The following ABITRAM variants were observed in gnomAD, a reference collection of about 807,000 sequenced individuals.
The protein encoded by ABITRAM is protein Abitram.
In ABITRAM, 19 loss-of-function variants were observed where a neutral mutation model predicts 22.9. The observed-to-expected ratio is 0.83, with a 90% CI of 0.58 to 1.22. ABITRAM has a LOEUF of 1.22. ABITRAM is among the 50% of genes most tolerant of loss of function. ABITRAM has a pLI of 0.00. For synonymous variants in ABITRAM, 70 were observed against 73.9 expected, an observed-to-expected ratio of 0.95 and a Z score of 0.27; for missense variants, 215 against 220.2, an observed-to-expected ratio of 0.98 and a Z score of 0.15.
intron 1 of ABITRAM, among the ~76,000 whole-genome samples, chr9:108,935,220 C>CGGTT (rs978056904): frequency 1.3e-5 from 2 of 152,054 alleles, no homozygotes; most frequent in African/African-American, 4.8e-5. Flanking sequence ...ATAGGGTGAC[C>CGGTT]AACCTGTCCT....
chr9:108,949,030 A>C (rs838828), intron 3 of ABITRAM, among the ~76,000 whole-genome samples: 17,178 of 152,242 alleles, frequency 0.11, 1,141 homozygotes, highest in South Asian at 0.31. Context: ...AAAAACTATA[A>C]GGCACTAGAA....
chr9:108,935,901 A>G (rs1830177800), intron 2 of ABITRAM: 3 of 562,628 alleles, frequency 5.3e-6, no homozygotes. Context: ...AAATTTGATT[A>G]CTCAAACATC....
downstream of ABITRAM, chr9:108,942,694 G>A: frequency 9.9e-7 from 1 of 1,009,802 alleles, no homozygotes; most frequent in Non-Finnish European, 1.5e-6. Context: ...TTTCTGAAAA[G>A]ATAAAGGATC....
Position 108,934,469 on chromosome 9 carries a change from G to T in ABITRAM, c.-18G>T, listed in dbSNP as rs1313929220. ...GCTGGGGTCCCGGAGGGCGGGGGTG[G>T]CGGCGCCGGAGGTCGCCATGGCTAC... On this transcript the variant is annotated 5_prime_UTR_variant, in exon 1 of 6. Transcript: ENST00000322940. 1 of 1,588,860 alleles carries T rather than the reference G, an allele frequency of 6.3e-7. No individual in the cohort carries two copies. Among genetic ancestry groups the T allele is most frequent in the Non-Finnish European group, 8.6e-7 (1 of 1,169,482 alleles).
rs1398591121 is a variant in ABITRAM, at chr9:108,934,496, G to C, written c.10G>C (p.Glu4Gln). MAT[E>Q]PEAAEPVVPS... ...GGCGCCGGAGGTCGCCATGGCTACC[G>C]AGCCCGAAGCCGCGGAGCCGGTGGT... Residue 4 changes from glutamate to glutamine, a missense_variant, in exon 1 of 6, where the codon GAG becomes CAG. Glu to Gln is a conservative substitution (Grantham distance 29). Transcript: ENST00000322940. 6.2e-7 allele frequency: 1 copy of C among 1,603,718 alleles called. No individual in the cohort carries two copies. The highest frequency in any genetic ancestry group is 1.1e-5 in the South Asian group (1 of 89,766).
downstream of ABITRAM, among the ~76,000 whole-genome samples, chr9:108,942,393 T>G (rs1830269064): frequency 6.6e-6 from 1 of 152,244 alleles, no homozygotes; most frequent in Non-Finnish European, 1.5e-5. Flanking sequence ...GTATGTTTGC[T>G]GCTGACATTA....
chr9:108,947,314 C>T (rs796776238), intron 3 of ABITRAM, among the ~76,000 whole-genome samples: 92 of 152,120 alleles, frequency 6.0e-4, no homozygotes, highest in African/African-American at 2.1e-3. Context: ...AGGGTTCCAC[C>T]GTGTTAGCCA....
chr9:108,947,285 G>A (rs943737264), intron 3 of ABITRAM, among the ~76,000 whole-genome samples: 14 of 151,906 alleles, frequency 9.2e-5, no homozygotes, highest in African/African-American at 2.4e-4. Flanking sequence ...AGCGAATTTT[G>A]TGTATTTTTA....
chr9:108,938,978 G>A (rs1830222995), intron 3 of ABITRAM, among the ~76,000 whole-genome samples: 1 of 152,106 alleles, frequency 6.6e-6, no homozygotes. Flanking sequence ...TTTATCATGT[G>A]TCTTAGCTTT....
At position 108,939,795 on chromosome 9, in the gene ABITRAM, C is replaced by A; in HGVS notation, c.*109C>A. ...ATGTAAAGCATACCTAACAGCCAGC[C>A]ATATGCAGGGGAGGCCTAGTGCTTC... On this transcript the variant is annotated 3_prime_UTR_variant, in exon 6 of 6. Coordinates refer to ENST00000322940, the MANE Select transcript of ABITRAM (RefSeq NM_017832.4). 2 of 1,297,890 alleles carry A rather than the reference C, an allele frequency of 1.5e-6. No individual in the cohort carries two copies. Among genetic ancestry groups the A allele is most frequent in the Admixed American group, 2.2e-5 (1 of 44,942 alleles). 80.4% of individuals were successfully genotyped at this position (1,297,890 alleles called of 1,614,324 possible). A position where few individuals can be genotyped will look rare whatever the true frequency, so the allele number is the denominator to read the frequency against.
downstream of ABITRAM, among the ~76,000 whole-genome samples, chr9:108,944,874 C>CT (rs1259028041): frequency 1.3e-5 from 2 of 152,184 alleles, no homozygotes; most frequent in African/African-American, 4.8e-5. Flanking sequence ...CTTGCTATCA[C>CT]TGGATAAAAT....
At chr9:108,945,423 TG>T (rs1220344186), downstream of ABITRAM, among the ~76,000 whole-genome samples, 4 of 152,082 alleles carry the variant, frequency 2.6e-5, no homozygotes, top group African/African-American at 4.8e-5. Flanking sequence ...AAATGTATTT[TG>T]TTTTTTTTTA....
chr9:108,939,244 T>G lies in ABITRAM; in HGVS notation c.310T>G (p.Ser104Ala). ...TGCACCTCTCTGTAAGATTTACTGC[T>G]CAGATGGTGAAGAATATACTGTGTC... ...ELAPLCKIYCSDGEEYTVSSC... is the reference protein window; with the variant it reads ...ELAPLCKIYCADGEEYTVSSC... The change falls in exon 4 of 6, where the codon TCA (serine) becomes GCA (alanine). Residue 104 changes from serine to alanine, a missense_variant. By Grantham distance (99) the Ser-to-Ala change is moderately conservative. Transcript: ENST00000322940. The G allele has an allele frequency of 6.2e-7, 1 of 1,614,044 alleles. No individual in the cohort carries two copies. The highest frequency in any genetic ancestry group is 8.5e-7 in the Non-Finnish European group (1 of 1,179,952).
Position 108,939,271 on chromosome 9 carries a change from A to G in ABITRAM, c.337A>G (p.Ser113Gly), listed in dbSNP as rs773657683. ...AGATGGTGAAGAATATACTGTGTCT[A>G]GGTGAGTAACTTTTTAGCCACCATT... is the stretch of plus-strand genomic sequence containing the variant. ...CSDGEEYTVS[S>G]CVRGRLMEVN... The change falls in exon 4 of 6, where the codon AGT becomes GGT. Residue 113 changes from serine to glycine, a missense_variant and splice_region_variant. Ser to Gly is a moderately conservative substitution (Grantham distance 56). Transcript: ENST00000322940. The G allele has an allele frequency of 2.5e-6, 4 of 1,611,072 alleles. No individual in the cohort carries two copies. In the South Asian group the frequency reaches 4.4e-5, roughly 18 times the overall value.
intron 2 of ABITRAM, chr9:108,936,104 T>G: frequency 1.7e-6 from 1 of 601,866 alleles, no homozygotes; most frequent in Non-Finnish European, 2.8e-6. Flanking sequence ...TTCCCTTTCC[T>G]GGGAAAGAAA....
downstream of ABITRAM, among the ~76,000 whole-genome samples, chr9:108,941,577 A>G (rs1830256386): frequency 6.6e-6 from 1 of 152,214 alleles, no homozygotes; most frequent in Non-Finnish European, 1.5e-5. Context: ...GAAGGACTAC[A>G]GTGAAAATTT....
At position 108,940,344 on chromosome 9, in the gene ABITRAM, T is replaced by G. The variant is rs931221415; in HGVS notation, c.*658T>G. On this transcript the variant is annotated 3_prime_UTR_variant, in exon 6 of 6. Transcript: ENST00000322940. Reference sequence around the variant, plus strand: ...TCTGTTTGAACATATGGTATGGTTATTGCTTTTGCCTCGTTTTCCTAACAG... The same window carrying G: ...TCTGTTTGAACATATGGTATGGTTAGTGCTTTTGCCTCGTTTTCCTAACAG... The G allele has an allele frequency of 2.4e-4, 37 of 152,232 alleles. No individual in the cohort carries two copies. Among genetic ancestry groups the G allele is most frequent in the African/African-American group, 8.7e-4 (36 of 41,456 alleles). The allele number at this position is 152,232 out of a possible 1,614,324, so 9.4% of individuals were successfully genotyped here. A position where few individuals can be genotyped will look rare whatever the true frequency, so the allele number is the denominator to read the frequency against.
Position 108,935,670 on chromosome 9 carries a change from A to G in ABITRAM, c.112A>G (p.Ile38Val). ...VKGKFCEDHC[I>V]LQHSNRICVI... ...AGGAAAATTTTGTGAGGACCACTGT[A>G]TACTACAGCACTCTAACCGGTAAGC... The change falls in exon 2 of 6, where the codon ATA becomes GTA. Residue 38 changes from isoleucine to valine, a missense_variant. By Grantham distance (29) the Ile-to-Val change is conservative. Transcript: ENST00000322940. 2 of 1,613,586 alleles carry G rather than the reference A, an allele frequency of 1.2e-6. No individual in the cohort carries two copies. The highest frequency in any genetic ancestry group is 1.7e-6 in the Non-Finnish European group (2 of 1,179,568).
downstream of ABITRAM, among the ~76,000 whole-genome samples, chr9:108,944,509 CT>C (rs1045666866): frequency 6.6e-6 from 1 of 152,136 alleles, no homozygotes; most frequent in Non-Finnish European, 1.5e-5. Flanking sequence ...TTTGTTGCCA[CT>C]TTTTTTCAGA....
Sources: gnomAD v4.1 joint callset for allele counts (sites outside exome capture counted in the v4.1 genomes callset) on GRCh38, gnomAD v4.1.1 for gene constraint, MANE v1.5 for transcripts, NCBI Gene and HGNC (gene_info 2026-07-23, HGNC 2026-07-21) for gene names.